USP14: variants seen among roughly 807,000 people sequenced by gnomAD.
USP14 encodes the protein ubiquitin carboxyl-terminal hydrolase 14.
Under a neutral mutation model 76.5 loss-of-function variants are expected in USP14, and 38 were observed. The ratio of observed to expected loss-of-function variants is 0.50; its 90% confidence interval spans 0.38 to 0.65. The LOEUF is 0.65. Ranked by LOEUF, USP14 falls within the 30% of genes least tolerant of loss-of-function variation. USP14 has a pLI of 0.00. For missense variants in USP14, 467 were observed against 586.5 expected, an observed-to-expected ratio of 0.80 and a Z score of 2.10; for synonymous variants, 192 against 191.7, an observed-to-expected ratio of 1.00 and a Z score of -0.01.
chr18:161,987 C>G (rs947687526), intron 1 of USP14, among the ~76,000 whole-genome samples: 95 of 152,080 alleles, frequency 6.2e-4, no homozygotes, highest in African/African-American at 2.1e-3. Context: ...TTGCAAACAC[C>G]ATTCTCTTTT....
chr18:192,721 G>A, intron 5 of USP14, 121 bp from the exon 6 acceptor site: 1 of 805,274 alleles, frequency 1.2e-6, no homozygotes, highest in Non-Finnish European at 2.0e-6. Context: ...GGAAAGGTGG[G>A]AACAACTCTG....
intron 3 of USP14, among the ~76,000 whole-genome samples, chr18:174,778 GT>G (rs1483517107): frequency 6.6e-6 from 1 of 151,232 alleles, no homozygotes; most frequent in Non-Finnish European, 1.5e-5. Context: ...CTAATTTTTT[GT>G]TTTTGTTTTT....
intron 5 of USP14, among the ~76,000 whole-genome samples, chr18:181,547 G>A (rs1909789597): frequency 6.6e-6 from 1 of 152,066 alleles, no homozygotes; most frequent in African/African-American, 2.4e-5. Flanking sequence ...AAATTCAATT[G>A]TGTTTTTACA....
In USP14 at chr18:185,177, C is replaced by T. The variant is rs200108555; in HGVS notation, c.404+4838C>T. Among the ~76,000 whole-genome samples, 70 of 150,246 alleles carry T rather than the reference C, an allele frequency of 4.7e-4. 1 individual carries two copies. The East Asian group carries it at 0.011, about 24-fold the overall frequency. ...TTCTTATTTTTTATTTATTTATTTT[C>T]GAGACAGAGTCTCACTCCCTCACCC... On this transcript the variant is annotated intron_variant, in intron 5 of 15. Coordinates refer to ENST00000261601, the MANE Select transcript of USP14 (RefSeq NM_005151.4).
chr18:209,013 A>C (rs1221591678), intron 13 of USP14, among the ~76,000 whole-genome samples: 1 of 152,042 alleles, frequency 6.6e-6, no homozygotes, highest in East Asian at 1.9e-4. Context: ...AAGCCACTAT[A>C]CCCGGCCTAA....
At chr18:172,382 A>G (rs1426332223) in intron 3 of USP14, among the ~76,000 whole-genome samples, 1 of 152,226 alleles carries the variant, frequency 6.6e-6, no homozygotes, top group Non-Finnish European at 1.5e-5. Context: ...CTCCTAGTGA[A>G]GAAGCTGTGA....
intron 2 of USP14, among the ~76,000 whole-genome samples, chr18:164,000 T>C (rs1909197483): frequency 6.6e-6 from 1 of 152,172 alleles, no homozygotes; most frequent in Non-Finnish European, 1.5e-5. Flanking sequence ...CAGGTAATGA[T>C]CTCCAGCTCC....
chr18:192,151 A>G (rs1434878032), intron 5 of USP14, among the ~76,000 whole-genome samples: 4 of 152,254 alleles, frequency 2.6e-5, no homozygotes, highest in African/African-American at 9.6e-5. Flanking sequence ...ATGTAGGTGT[A>G]TGATTTTTGA....
At chr18:177,798 A>G (rs2144231260) in intron 3 of USP14, among the ~76,000 whole-genome samples, 1 of 152,214 alleles carries the variant, frequency 6.6e-6, no homozygotes, top group Middle Eastern at 3.4e-3. Flanking sequence ...TATTGATTGT[A>G]TGGAGTGTTT....
At chr18:186,510 T>A (rs917084184) in intron 5 of USP14, among the ~76,000 whole-genome samples, 2 of 151,710 alleles carry the variant, frequency 1.3e-5, no homozygotes, top group Non-Finnish European at 2.9e-5. Flanking sequence ...CCCAGCACTT[T>A]GGGAGGCTGA....
intron 6 of USP14, among the ~76,000 whole-genome samples, chr18:193,419 ACTCTCT>A (rs1037370715): frequency 1.3e-5 from 2 of 151,366 alleles, no homozygotes; most frequent in Admixed American, 6.6e-5. Flanking sequence ...CTTTTTTTTT[ACTCTCT>A]CTCTAACAGC....
chr18:162,018 C>T (rs1025128018), intron 1 of USP14, among the ~76,000 whole-genome samples: 1 of 152,182 alleles, frequency 6.6e-6, no homozygotes, highest in African/African-American at 2.4e-5. Context: ...AATTTGACCA[C>T]TTTAGGTATC....
intron 5 of USP14, among the ~76,000 whole-genome samples, chr18:190,436 A>T (rs2143044862): frequency 6.6e-6 from 1 of 152,300 alleles, no homozygotes; most frequent in Admixed American, 6.5e-5. Flanking sequence ...TTAGCATTAT[A>T]TGTGCTTTCC....
intron 3 of USP14, among the ~76,000 whole-genome samples, chr18:177,418 T>C (rs1909656607): frequency 7.0e-6 from 1 of 143,820 alleles, no homozygotes; most frequent in Non-Finnish European, 1.5e-5. Flanking sequence ...TGAGTCCCTG[T>C]CTCTAAAAAA....
chr18:213,871 G>GGTCA lies in USP14; in HGVS notation c.*2589_*2592dup, dbSNP rs1230772278. The GGTCA allele has an allele frequency of 6.6e-6, 1 of 152,158 alleles. No homozygotes were observed. The highest frequency in any genetic ancestry group is 2.4e-5 in the African/African-American group (1 of 41,414). The allele number at this position is 152,158 out of a possible 1,614,324, so 9.4% of individuals were successfully genotyped here. ...CCTGAAGTGATTAAAAGTCTTGAGA[G>GGTCA]GTCAGGCAATTTTTGTAAGGCTAGA... On this transcript the variant is annotated 3_prime_UTR_variant, in exon 16 of 16. Coordinates refer to ENST00000261601, the MANE Select transcript of USP14 (RefSeq NM_005151.4).
At chr18:171,574 T>C (rs1418892170) in intron 3 of USP14, among the ~76,000 whole-genome samples, 1 of 152,190 alleles carries the variant, frequency 6.6e-6, no homozygotes, top group Admixed American at 6.6e-5. Context: ...TGACAATGCA[T>C]CTAGTCACTT....
chr18:198,241 G>T, intron 9 of USP14, 109 bp downstream of exon 9: 1 of 1,021,740 alleles, frequency 9.8e-7, no homozygotes, highest in African/African-American at 1.6e-5. Flanking sequence ...ATTCTTCAGA[G>T]GTTTTTTTTC....
intron 5 of USP14, among the ~76,000 whole-genome samples, chr18:185,386 C>G (rs1416427331): frequency 6.6e-6 from 1 of 152,024 alleles, no homozygotes; most frequent in Non-Finnish European, 1.5e-5. Context: ...TCAAAATCCT[C>G]ACAAGTCATC....
rs543477248 is a variant in USP14, at chr18:199,742, C to T, written c.876+426C>T. ...TCTGAGTTCAATGTTAATTAATCAA[C>T]ACAATATGTGAAATAAGGTGTCCTT... On this transcript the variant is annotated intron_variant, in intron 10 of 15. Transcript: ENST00000261601. 7.2e-5 allele frequency among the ~76,000 whole-genome samples: 11 copies of T among 151,998 alleles called. No homozygotes were observed. The East Asian group carries it at 1.2e-3, about 16-fold the overall frequency.
Sources: allele counts gnomAD v4.1 joint callset (sites outside exome capture counted in the v4.1 genomes callset), GRCh38; gene constraint gnomAD v4.1.1; transcripts MANE v1.5; gene names NCBI Gene and HGNC (gene_info 2026-07-23, HGNC 2026-07-21).